The following TMEM117 variants were observed in gnomAD, a reference collection of about 807,000 sequenced individuals.
The protein encoded by TMEM117 is transmembrane protein 117.
TMEM117 carries 27 observed loss-of-function variants against 52.4 expected under a neutral mutation model. That is an observed-to-expected ratio of 0.51 (90% confidence interval 0.38 to 0.71). The LOEUF is 0.71. TMEM117 is among the 30% of genes least tolerant of loss of function. The pLI is 0.00. For missense variants in TMEM117, 556 were observed against 630.5 expected (o/e 0.88, Z 1.26); for synonymous variants, 215 against 206.3 (o/e 1.04, Z -0.36).
At chr12:43,934,341 G>A (rs962002572) in intron 2 of TMEM117, among the ~76,000 whole-genome samples, 1 of 152,074 alleles carries the variant, frequency 6.6e-6, no homozygotes, top group African/African-American at 2.4e-5. Context: ...ATTTGATTTA[G>A]TTAAACTTGA....
intron 5 of TMEM117, among the ~76,000 whole-genome samples, chr12:44,238,976 C>A (rs925988830): frequency 6.6e-6 from 1 of 152,088 alleles, no homozygotes; most frequent in African/African-American, 2.4e-5. Flanking sequence ...ATTATTGTGA[C>A]AATCATGGCA....
At chr12:44,262,839 G>A (rs570104713) in intron 5 of TMEM117, among the ~76,000 whole-genome samples, 8 of 152,062 alleles carry the variant, frequency 5.3e-5, no homozygotes, top group East Asian at 3.9e-4. Flanking sequence ...CACCCGCCTC[G>A]GCCTCCCAAA....
At chr12:43,815,326 T>A in the TMEM117 span, among the ~76,000 whole-genome samples, 1 of 152,224 alleles carries the variant, frequency 6.6e-6, no homozygotes, top group Non-Finnish European at 1.5e-5. Flanking sequence ...CCTTAACAGT[T>A]AAGAATTTTA....
intron 5 of TMEM117, among the ~76,000 whole-genome samples, chr12:44,288,551 C>T (rs1480759674): frequency 6.6e-6 from 1 of 151,838 alleles, no homozygotes; most frequent in Non-Finnish European, 1.5e-5. Context: ...ATGAAAACAT[C>T]CAAGAGGTGA....
chr12:44,352,365 T>A (rs1050752692), intron 6 of TMEM117, among the ~76,000 whole-genome samples: 1 of 152,164 alleles, frequency 6.6e-6, no homozygotes, highest in African/African-American at 2.4e-5. Context: ...TACATACGTA[T>A]ACCTGTGCCA....
intron 7 of TMEM117, among the ~76,000 whole-genome samples, chr12:44,384,057 G>A (rs1952056180): frequency 6.6e-6 from 1 of 152,082 alleles, no homozygotes; most frequent in African/African-American, 2.4e-5. Context: ...CACAGGGGTT[G>A]GGTTGCCCTG....
chr12:43,852,293 T>C (rs1360077719), intron 2 of TMEM117, among the ~76,000 whole-genome samples: 1 of 152,098 alleles, frequency 6.6e-6, no homozygotes, highest in African/African-American at 2.4e-5. Context: ...TAGCCAGGCG[T>C]GTTGGTGGGC....
At chr12:44,135,354 G>A (rs189876847) in intron 3 of TMEM117, among the ~76,000 whole-genome samples, 132 of 152,250 alleles carry the variant, frequency 8.7e-4, no homozygotes, top group African/African-American at 3.0e-3. Flanking sequence ...GAGTTTACAA[G>A]TATCAGGGTC....
intron 5 of TMEM117, among the ~76,000 whole-genome samples, chr12:44,269,115 G>A (rs1275644237): frequency 6.6e-6 from 1 of 151,756 alleles, no homozygotes; most frequent in African/African-American, 2.4e-5. Context: ...TGGTATCTAA[G>A]GCAAGTTTTC....
chr12:44,189,787 T>C (rs1251830749), intron 4 of TMEM117, among the ~76,000 whole-genome samples: 3 of 152,214 alleles, frequency 2.0e-5, no homozygotes, highest in African/African-American at 4.8e-5. Context: ...TCCAAGGAGA[T>C]ATAGTAGTGA....
At chr12:44,298,080 T>A (rs1464948433) in intron 5 of TMEM117, among the ~76,000 whole-genome samples, 4 of 144,362 alleles carry the variant, frequency 2.8e-5, no homozygotes, top group African/African-American at 1.2e-4. Flanking sequence ...ATCTTTCCAT[T>A]CATGAGGAGA....
intron 5 of TMEM117, among the ~76,000 whole-genome samples, chr12:44,251,014 A>C (rs1182745190): frequency 2.6e-5 from 4 of 152,122 alleles, no homozygotes; most frequent in Non-Finnish European, 5.9e-5. Context: ...TAAAATAAAA[A>C]TAAAAATAAA....
At chr12:43,892,047 A>G (rs761332589) in intron 2 of TMEM117, among the ~76,000 whole-genome samples, 6 of 152,178 alleles carry the variant, frequency 3.9e-5, no homozygotes, top group Non-Finnish European at 5.9e-5. Flanking sequence ...GCTGCTGTCA[A>G]AATACTCCTG....
chr12:43,816,938 G>A, the TMEM117 span, among the ~76,000 whole-genome samples: 1 of 152,192 alleles, frequency 6.6e-6, no homozygotes, highest in African/African-American at 2.4e-5. Context: ...ATAAATTGAA[G>A]TTATTGGGAA....
intron 6 of TMEM117, among the ~76,000 whole-genome samples, chr12:44,334,231 A>G (rs1230236219): frequency 6.6e-6 from 1 of 152,090 alleles, no homozygotes; most frequent in Non-Finnish European, 1.5e-5. Context: ...ACAAGTAATT[A>G]TGACATAAAA....
At chr12:43,850,430 A>T (rs181841957) in intron 2 of TMEM117, among the ~76,000 whole-genome samples, 32 of 152,324 alleles carry the variant, frequency 2.1e-4, no homozygotes, top group East Asian at 1.3e-3. Context: ...GATCTTTCAC[A>T]TTCCACATAC....
chr12:44,098,844 G>A (rs1033720427), intron 3 of TMEM117, among the ~76,000 whole-genome samples: 1 of 152,128 alleles, frequency 6.6e-6, no homozygotes, highest in Non-Finnish European at 1.5e-5. Context: ...ACTGCTTTCA[G>A]TCAAGTGATG....
At chr12:44,117,082 G>T (rs536817324) in intron 3 of TMEM117, among the ~76,000 whole-genome samples, 2 of 152,068 alleles carry the variant, frequency 1.3e-5, no homozygotes, top group African/African-American at 4.8e-5. Context: ...ATCAGTTCCC[G>T]CCTACATTTC....
At chr12:44,280,384 T>G (rs562592957) in intron 5 of TMEM117, among the ~76,000 whole-genome samples, 1 of 152,350 alleles carries the variant, frequency 6.6e-6, no homozygotes, top group African/African-American at 2.4e-5. Context: ...TCTTCTCCCA[T>G]GTTTTACTAC....
Sources: gnomAD v4.1 joint callset for allele counts (sites outside exome capture counted in the v4.1 genomes callset) on GRCh38, gnomAD v4.1.1 for gene constraint, MANE v1.5 for transcripts, NCBI Gene and HGNC (gene_info 2026-07-23, HGNC 2026-07-21) for gene names.